The following CSNK2A2IP variants were observed in gnomAD, a reference collection of about 807,000 sequenced individuals.
CSNK2A2IP encodes casein kinase 2 subunit alpha' interacting protein, also known as casein kinase II subunit alpha'-interacting protein.
the CSNK2A2IP span, among the ~76,000 whole-genome samples, chr3:88,461,593 C>G: frequency 6.6e-6 from 1 of 151,970 alleles, no homozygotes; most frequent in Non-Finnish European, 1.5e-5. Context: ...AATGGTAAAG[C>G]TAAGAAATTT....
At chr3:88,357,929 G>T in the CSNK2A2IP span, among the ~76,000 whole-genome samples, 1 of 151,916 alleles carries the variant, frequency 6.6e-6, no homozygotes, top group Admixed American at 6.6e-5. Flanking sequence ...GTTTCACCAT[G>T]TTGCCCAGGC....
chr3:88,462,368 C>A, the CSNK2A2IP span, among the ~76,000 whole-genome samples: 1 of 152,010 alleles, frequency 6.6e-6, no homozygotes, highest in Non-Finnish European at 1.5e-5. Flanking sequence ...TTCCCTCACC[C>A]CAGGTCCAAC....
At chr3:88,430,249 G>A in the CSNK2A2IP span, among the ~76,000 whole-genome samples, 3 of 152,040 alleles carry the variant, frequency 2.0e-5, no homozygotes, top group South Asian at 6.2e-4. Flanking sequence ...AGGTTTGATA[G>A]GATATTGCAT....
the CSNK2A2IP span, among the ~76,000 whole-genome samples, chr3:88,378,490 G>A: frequency 2.2e-3 from 332 of 151,884 alleles, 1 homozygote; most frequent in African/African-American, 7.5e-3. Context: ...TGTAACTGGT[G>A]GCCACATGTG....
chr3:88,392,451 G>C, the CSNK2A2IP span, among the ~76,000 whole-genome samples: 1 of 152,162 alleles, frequency 6.6e-6, no homozygotes, highest in Non-Finnish European at 1.5e-5. Context: ...GAAATTCATT[G>C]ATGGAAAAGA....
the CSNK2A2IP span, among the ~76,000 whole-genome samples, chr3:88,426,837 T>C: frequency 1.3e-5 from 2 of 151,014 alleles, no homozygotes; most frequent in Middle Eastern, 3.4e-3. Flanking sequence ...CAGGTATTGC[T>C]TTATTAGCAG....
chr3:88,390,862 A>G, the CSNK2A2IP span, among the ~76,000 whole-genome samples: 2 of 152,210 alleles, frequency 1.3e-5, no homozygotes, highest in African/African-American at 2.4e-5. Context: ...TCTGATGACT[A>G]TATTTATGAT....
the CSNK2A2IP span, among the ~76,000 whole-genome samples, chr3:88,399,393 A>T: frequency 6.6e-6 from 1 of 152,214 alleles, no homozygotes; most frequent in Admixed American, 6.5e-5. Context: ...ATCCAGGATC[A>T]GTTGAAAAGA....
chr3:88,457,761 A>G, the CSNK2A2IP span, among the ~76,000 whole-genome samples: 4 of 142,092 alleles, frequency 2.8e-5, no homozygotes, highest in African/African-American at 1.0e-4. Flanking sequence ...AAAATCTAGT[A>G]GTTTTTAACA....
At chr3:88,360,718 C>T in the CSNK2A2IP span, among the ~76,000 whole-genome samples, 1 of 152,070 alleles carries the variant, frequency 6.6e-6, no homozygotes, top group Non-Finnish European at 1.5e-5. Context: ...TTCCATTTTG[C>T]TATTTGCTTT....
the CSNK2A2IP span, among the ~76,000 whole-genome samples, chr3:88,455,101 TAC>T: frequency 4.0e-5 from 6 of 151,500 alleles, no homozygotes; most frequent in African/African-American, 1.5e-4. Context: ...CCATTGTTTG[TAC>T]ACACACACAT....
the CSNK2A2IP span, among the ~76,000 whole-genome samples, chr3:88,354,508 G>A: frequency 6.6e-6 from 1 of 152,152 alleles, no homozygotes; most frequent in African/African-American, 2.4e-5. Context: ...AACAGGCATT[G>A]TAGGCAAAAG....
chr3:88,400,495 A>G, the CSNK2A2IP span, among the ~76,000 whole-genome samples: 1 of 152,206 alleles, frequency 6.6e-6, no homozygotes, highest in African/African-American at 2.4e-5. Flanking sequence ...GTGTGATTAC[A>G]TTAAGAACCT....
chr3:88,408,112 C>A, the CSNK2A2IP span, among the ~76,000 whole-genome samples: 1 of 152,032 alleles, frequency 6.6e-6, no homozygotes, highest in Non-Finnish European at 1.5e-5. Flanking sequence ...ATTAATTCAC[C>A]AGTACTTAAT....
chr3:88,377,821 G>T, the CSNK2A2IP span, among the ~76,000 whole-genome samples: 4 of 151,926 alleles, frequency 2.6e-5, no homozygotes, highest in East Asian at 7.7e-4. Flanking sequence ...ACACAGAACT[G>T]CATTGGTCAT....
chr3:88,343,322 A>G, the CSNK2A2IP span: 1 of 152,164 alleles, frequency 6.6e-6, no homozygotes, highest in Non-Finnish European at 1.5e-5. Context: ...AACCATAATA[A>G]TTAAACACTA....
chr3:88,375,849 A>G, the CSNK2A2IP span, among the ~76,000 whole-genome samples: 1 of 151,746 alleles, frequency 6.6e-6, no homozygotes, highest in East Asian at 1.9e-4. Flanking sequence ...TTTCAACTGG[A>G]CTGTGCAATG....
At chr3:88,460,283 G>A in the CSNK2A2IP span, among the ~76,000 whole-genome samples, 3 of 152,058 alleles carry the variant, frequency 2.0e-5, no homozygotes, top group South Asian at 2.1e-4. Context: ...TGAAATGGAA[G>A]TGTCATTTTG....
At chr3:88,455,093 A>C in the CSNK2A2IP span, among the ~76,000 whole-genome samples, 1 of 139,280 alleles carries the variant, frequency 7.2e-6, no homozygotes, top group Non-Finnish European at 1.6e-5. Flanking sequence ...ATAATATTCC[A>C]TTGTTTGTAC....
Sources: gnomAD v4.1 joint callset for allele counts (sites outside exome capture counted in the v4.1 genomes callset) on GRCh38, gnomAD v4.1.1 for gene constraint, MANE v1.5 for transcripts, NCBI Gene and HGNC (gene_info 2026-07-23, HGNC 2026-07-21) for gene names.